Variants in GPR158 observed in about 807,000 individuals in gnomAD.
GPR158 encodes G protein-coupled receptor 158, also known as metabotropic glycine receptor.
A neutral mutation model predicts 78.2 loss-of-function variants in GPR158; 30 were observed. The ratio of observed to expected loss-of-function variants is 0.38; its 90% CI spans 0.29 to 0.52. The LOEUF is 0.52. GPR158 is among the 20% of genes least tolerant of loss of function. GPR158 has a pLI of 0.83. For missense variants in GPR158, 1,463 were observed against 1,523.5 expected (o/e 0.96, Z 0.66); for synonymous variants, 581 against 591.1 (o/e 0.98, Z 0.25).
intron 2 of GPR158, among the ~76,000 whole-genome samples, chr10:25,319,284 T>C (rs1854909387): frequency 6.6e-6 from 1 of 152,210 alleles, no homozygotes; most frequent in Non-Finnish European, 1.5e-5. Context: ...TAGACACTTC[T>C]GTCATCACAC....
chr10:25,431,731 T>C (rs1445162735), intron 4 of GPR158, among the ~76,000 whole-genome samples: 6 of 151,940 alleles, frequency 3.9e-5, no homozygotes, highest in African/African-American at 7.3e-5. Flanking sequence ...AAATTGGCAA[T>C]CATCATTCTC....
intron 2 of GPR158, among the ~76,000 whole-genome samples, chr10:25,255,720 T>C (rs1413498538): frequency 6.6e-6 from 1 of 152,218 alleles, no homozygotes; most frequent in Non-Finnish European, 1.5e-5. Flanking sequence ...CAGGAGAATT[T>C]TTTTCATTTC....
chr10:25,366,843 T>C (rs1444603710), intron 2 of GPR158, among the ~76,000 whole-genome samples: 1 of 81,192 alleles, frequency 1.2e-5, no homozygotes, highest in Non-Finnish European at 3.5e-5. Flanking sequence ...TTGAAACCTT[T>C]CTATATGTTT....
intron 7 of GPR158, among the ~76,000 whole-genome samples, chr10:25,584,617 A>G (rs1837244440): frequency 6.6e-6 from 1 of 152,272 alleles, no homozygotes; most frequent in South Asian, 2.1e-4. Context: ...TAATGCAGCT[A>G]CGTGTGAATC....
intron 1 of GPR158, among the ~76,000 whole-genome samples, chr10:25,206,269 G>A (rs1307519471): frequency 6.6e-6 from 1 of 152,168 alleles, no homozygotes; most frequent in Non-Finnish European, 1.5e-5. Context: ...TTACAGGCGT[G>A]AGCCACCGCG....
At position 25,599,209 on chromosome 10, in the gene GPR158, G is replaced by A. The variant is rs746993563; in HGVS notation, c.3583G>A (p.Ala1195Thr). 1.9e-6 allele frequency: 3 copies of A among 1,612,224 alleles called. No individual in the cohort carries two copies. The highest frequency in any genetic ancestry group is 2.5e-6 in the Non-Finnish European group (3 of 1,179,810). ...GRSVALPASS[A>T]LSANKIAGPR... ...AAGTGTAGCTTTACCTGCCTCTTCT[G>A]CTCTAAGTGCAAATAAGATAGCAGG... The change falls in exon 11 of 11, where the codon GCT (alanine) becomes ACT (threonine). Residue 1195 changes from alanine to threonine, a missense_variant. Physicochemically the swap from Ala to Thr is moderately conservative, Grantham distance 58. Transcript: ENST00000376351.
intron 5 of GPR158, among the ~76,000 whole-genome samples, chr10:25,483,240 CT>C (rs1364693048): frequency 6.6e-6 from 1 of 152,022 alleles, no homozygotes; most frequent in Non-Finnish European, 1.5e-5. Flanking sequence ...CCGAAAAGAC[CT>C]TCATGATCTG....
At chr10:25,446,503 A>G (rs1305811965) in intron 4 of GPR158, among the ~76,000 whole-genome samples, 2 of 152,044 alleles carry the variant, frequency 1.3e-5, no homozygotes, top group African/African-American at 4.8e-5. Context: ...TATTTTAATG[A>G]TTATCTTTAT....
At chr10:25,324,548 T>C (rs1178364835) in intron 2 of GPR158, among the ~76,000 whole-genome samples, 1 of 152,074 alleles carries the variant, frequency 6.6e-6, no homozygotes, top group Non-Finnish European at 1.5e-5. Flanking sequence ...ATAACAGATA[T>C]AATAATAATA....
rs184435524 is a variant in GPR158 at position 25,380,888 on chromosome 10, G to C, written c.1009-15023G>C. Among the ~76,000 whole-genome samples the C allele has an allele frequency of 2.2e-3, 342 of 152,276 alleles. 1 individual carries two copies. The highest frequency in any genetic ancestry group is 0.014 in the Middle Eastern group (4 of 294). ...GCATTGATTTTACATATAGCTAAAA[G>C]GTAGAAGTGATGGAACTTGGAGAGT... On this transcript the variant is annotated intron_variant, in intron 2 of 10. Coordinates refer to ENST00000376351, the MANE Select transcript of GPR158 (RefSeq NM_020752.3).
chr10:25,241,398 T>TCTCTTC (rs1853625828), intron 2 of GPR158, among the ~76,000 whole-genome samples: 1 of 142,728 alleles, frequency 7.0e-6, no homozygotes, highest in Non-Finnish European at 1.5e-5. Context: ...TCTCTTCTCT[T>TCTCTTC]CTCTTCTCTT....
At chr10:25,489,616 C>G (rs187096276) in intron 5 of GPR158, among the ~76,000 whole-genome samples, 94 of 152,222 alleles carry the variant, frequency 6.2e-4, no homozygotes, top group African/African-American at 2.2e-3. Flanking sequence ...GCTGTACTCT[C>G]CCTTCTTCAG....
intron 2 of GPR158, among the ~76,000 whole-genome samples, chr10:25,389,663 T>C (rs960695206): frequency 2.0e-5 from 3 of 152,116 alleles, no homozygotes; most frequent in African/African-American, 7.2e-5. Flanking sequence ...AACACGCCCC[T>C]TGCATGCCAT....
chr10:25,556,407 C>T (rs1436249085), intron 6 of GPR158, among the ~76,000 whole-genome samples: 1 of 152,168 alleles, frequency 6.6e-6, no homozygotes, highest in Admixed American at 6.5e-5. Context: ...ATCTTTTGAA[C>T]ATGTAGCTGT....
chr10:25,256,849 A>G (rs1293722784), intron 2 of GPR158, among the ~76,000 whole-genome samples: 1 of 152,218 alleles, frequency 6.6e-6, no homozygotes, highest in Non-Finnish European at 1.5e-5. Flanking sequence ...TATAAAATGG[A>G]GATCCAAAAA....
chr10:25,308,920 T>C (rs1386583167), intron 2 of GPR158, among the ~76,000 whole-genome samples: 2 of 152,230 alleles, frequency 1.3e-5, no homozygotes, highest in African/African-American at 4.8e-5. Context: ...TTCCATTATA[T>C]GTATATGCCA....
intron 3 of GPR158, among the ~76,000 whole-genome samples, chr10:25,407,876 C>A (rs1324673642): frequency 1.3e-5 from 2 of 152,146 alleles, no homozygotes; most frequent in African/African-American, 4.8e-5. Flanking sequence ...CAAAGCAATC[C>A]TTTAATTACA....
intron 5 of GPR158, among the ~76,000 whole-genome samples, chr10:25,486,076 C>A (rs767303805): frequency 1.3e-5 from 2 of 152,140 alleles, no homozygotes; most frequent in South Asian, 2.1e-4. Flanking sequence ...ATCTTCCCAG[C>A]CTCCAGGACT....
chr10:25,433,142 T>G (rs1257588134), intron 4 of GPR158, among the ~76,000 whole-genome samples: 1 of 152,192 alleles, frequency 6.6e-6, no homozygotes, highest in Non-Finnish European at 1.5e-5. Flanking sequence ...AGCTGGGATT[T>G]ATACTCAGGT....
Sources: gnomAD v4.1 joint callset for allele counts (sites outside exome capture counted in the v4.1 genomes callset) on GRCh38, gnomAD v4.1.1 for gene constraint, MANE v1.5 for transcripts, NCBI Gene and HGNC (gene_info 2026-07-23, HGNC 2026-07-21) for gene names.